TRAK1: variants seen among roughly 807,000 people sequenced by gnomAD.
TRAK1 encodes the protein trafficking kinesin protein 1.
TRAK1 carries 33 observed loss-of-function variants against 92.1 expected under a neutral mutation model. The ratio of observed to expected loss-of-function variants is 0.36; its 90% CI spans 0.27 to 0.48. The LOEUF (loss-of-function observed/expected upper bound fraction) is 0.48. Among genes scored for constraint, TRAK1 ranks in the 20% least tolerant of loss-of-function variants. The pLI is 0.99. For synonymous variants in TRAK1, 521 were observed against 517.3 expected (o/e 1.01, Z -0.10); for missense variants, 1,123 against 1,257.9 (o/e 0.89, Z 1.62).
At chr3:42,126,242 T>C (rs1245522729) in intron 2 of TRAK1, among the ~76,000 whole-genome samples, 1 of 152,180 alleles carries the variant, frequency 6.6e-6, no homozygotes, top group African/African-American at 2.4e-5. Flanking sequence ...TGGGAAGGTG[T>C]TTGTCTAAAT....
In TRAK1 at chr3:42,176,899, T is replaced by C. The variant is rs746695697; in HGVS notation, c.363+9T>C. 6.2e-7 allele frequency: 1 copy of C among 1,613,638 alleles called. No homozygotes were observed. The highest frequency in any genetic ancestry group is 8.5e-7 in the Non-Finnish European group (1 of 1,179,590). ...CTCGGCTTCTTGAGGAGGTAAGTGC[T>C]CCAGGGGAAGGCAAAAGAGTTGTTT... On this transcript the variant is annotated intron_variant, in intron 3 of 15. Coordinates refer to ENST00000327628, the MANE Select transcript of TRAK1 (RefSeq NM_001042646.3).
chr3:42,219,617 G>A (rs774532560), intron 15 of TRAK1, 21 bp downstream of exon 15: 3 of 1,598,578 alleles, frequency 1.9e-6, no homozygotes, highest in East Asian at 4.5e-5. Context: ...CTGGCTTTGG[G>A]GTGGGCAGGG....
chr3:42,206,967 C>T (rs1708402742), intron 13 of TRAK1, among the ~76,000 whole-genome samples: 1 of 152,182 alleles, frequency 6.6e-6, no homozygotes, highest in Non-Finnish European at 1.5e-5. Flanking sequence ...GGGCCCAGAC[C>T]TCCAGCCTCC....
chr3:42,223,169 G>C lies in TRAK1; in HGVS notation c.2294G>C (p.Gly765Ala). ...CAGAGCTGGGACAGGGCCGGCCGGG[G>C]CTCCCTCCTGCACTCCTACACGCCC... ...DPQSWDRAGR[G>A]SLLHSYTPKM... The change falls in exon 16 of 16, where the codon GGC (glycine) becomes GCC (alanine). Residue 765 changes from glycine (G) to alanine (A), a missense_variant. Gly to Ala is a moderately conservative substitution (Grantham distance 60, BLOSUM62 0). This residue lies in a region of TRAK1 where 401 missense variants were observed against 438.9 expected (regional missense o/e 0.91). Transcript: ENST00000327628. The surrounding 1 kb of genome is among the most constrained non-coding windows in gnomAD (Gnocchi z 6.1). The C allele has an allele frequency of 6.2e-7, 1 of 1,613,972 alleles. No individual in the cohort carries two copies.
intron 1 of TRAK1, among the ~76,000 whole-genome samples, chr3:42,059,181 A>C (rs918266165): frequency 2.0e-5 from 3 of 151,734 alleles, no homozygotes; most frequent in South Asian, 4.2e-4. Flanking sequence ...CGTAGCCTCA[A>C]CCTCCCAGGC....
chr3:42,216,295 C>T (rs938466892), intron 14 of TRAK1, among the ~76,000 whole-genome samples: 17 of 152,132 alleles, frequency 1.1e-4, no homozygotes, highest in African/African-American at 3.9e-4. Flanking sequence ...GAGTAGGGGC[C>T]GTGTCAGGGC....
At chr3:42,074,860 T>G (rs567012287) in intron 1 of TRAK1, among the ~76,000 whole-genome samples, 80 of 152,282 alleles carry the variant, frequency 5.3e-4, no homozygotes, top group Middle Eastern at 3.4e-3. Context: ...CGCTCCACCT[T>G]CAAGTAGGCC....
In TRAK1 at chr3:42,193,915, C is replaced by T. The variant is rs770334479; in HGVS notation, c.975+17C>T. 4 of 1,611,958 alleles carry T rather than the reference C, an allele frequency of 2.5e-6. No individual in the cohort carries two copies. Among genetic ancestry groups the T allele is most frequent in the East Asian group, 4.5e-5 (2 of 44,858 alleles). The stretch of plus-strand genomic sequence containing the variant: ...ACAGCCGAGGTGAGCACCTCTCCCT[C>T]ATTCCTTCAGTGCCTCTGATTGCAG... On this transcript the variant is annotated intron_variant, in intron 9 of 15. Coordinates refer to ENST00000327628, the MANE Select transcript of TRAK1 (RefSeq NM_001042646.3).
intron 2 of TRAK1, among the ~76,000 whole-genome samples, chr3:42,174,362 G>C (rs79122804): frequency 1.3e-5 from 2 of 152,188 alleles, no homozygotes; most frequent in African/African-American, 2.4e-5. Flanking sequence ...ACACAAATAA[G>C]TGCAAGTAAA....
chr3:42,152,276 T>A (rs1027906374), intron 2 of TRAK1, among the ~76,000 whole-genome samples: 3 of 151,948 alleles, frequency 2.0e-5, no homozygotes, highest in Admixed American at 6.6e-5. Flanking sequence ...ATGGGAGGGG[T>A]TGATTACCCA....
chr3:42,013,658 A>C (rs1408044564), upstream of TRAK1: 12 of 143,498 alleles, frequency 8.4e-5, no homozygotes, highest in Non-Finnish European at 3.1e-5. The surrounding 1 kb of genome is among the most constrained non-coding windows in gnomAD (Gnocchi z 5.1). Context: ...CGGGGGAGCC[A>C]TGGCGAGAGG....
intron 2 of TRAK1, among the ~76,000 whole-genome samples, chr3:42,154,518 A>G (rs1357382759): frequency 6.6e-6 from 1 of 151,900 alleles, no homozygotes; most frequent in Non-Finnish European, 1.5e-5. Context: ...TCTTCTTGTC[A>G]CCCAGGCGGG....
Position 42,176,908 on chromosome 3 carries a change from A to G in TRAK1, c.363+18A>G, listed in dbSNP as rs775667675. 2.1e-5 allele frequency: 34 copies of G among 1,610,544 alleles called. No homozygotes were observed. Among genetic ancestry groups the G allele is most frequent in the African/African-American group, 4.0e-5 (3 of 74,870 alleles). On this transcript the variant is annotated intron_variant, in intron 3 of 15. Transcript: ENST00000327628. Reference sequence around the variant, plus strand: ...TTGAGGAGGTAAGTGCTCCAGGGGAAGGCAAAAGAGTTGTTTATAATTGAC... The same window carrying G: ...TTGAGGAGGTAAGTGCTCCAGGGGAGGGCAAAAGAGTTGTTTATAATTGAC...
intron 1 of TRAK1, among the ~76,000 whole-genome samples, chr3:42,069,531 A>C (rs1373185918): frequency 1.3e-5 from 2 of 152,062 alleles, no homozygotes; most frequent in Non-Finnish European, 2.9e-5. Context: ...ATATTCTTTA[A>C]TTATATTTTT....
At chr3:42,060,625 CTTTTT>C (rs1299725245) in intron 1 of TRAK1, among the ~76,000 whole-genome samples, 2 of 123,296 alleles carry the variant, frequency 1.6e-5, no homozygotes, top group Non-Finnish European at 1.7e-5. Flanking sequence ...TTTTTGGCTG[CTTTTT>C]TTTTTTTTTT....
chr3:42,052,409 G>C (rs1172651479), intron 1 of TRAK1, among the ~76,000 whole-genome samples: 1 of 152,178 alleles, frequency 6.6e-6, no homozygotes, highest in African/African-American at 2.4e-5. Flanking sequence ...CTTGTAGACT[G>C]GTGCAAAAGT....
intron 1 of TRAK1, among the ~76,000 whole-genome samples, chr3:42,095,791 C>G (rs1254127332): frequency 1.3e-5 from 2 of 152,052 alleles, no homozygotes; most frequent in East Asian, 3.8e-4. Context: ...ATTTGTCTCC[C>G]CAAAATGAGT....
Position 42,225,596 on chromosome 3 carries a change from T to C in TRAK1, c.*1859T>C, listed in dbSNP as rs1020835167. 3 of 152,254 alleles carry C rather than the reference T, an allele frequency of 2.0e-5. No individual in the cohort carries two copies. Among genetic ancestry groups the C allele is most frequent in the Non-Finnish European group, 4.4e-5 (3 of 68,036 alleles). 9.4% of individuals were successfully genotyped at this position (152,254 alleles called of 1,614,324 possible). On this transcript the variant is annotated 3_prime_UTR_variant, in exon 16 of 16. Transcript: ENST00000327628. Reference sequence around the variant, plus strand: ...ATTCAGAGAGAGAAGCCACTCATCATTGCCAGAAATACCATGTAAAAATTG... The same window carrying C: ...ATTCAGAGAGAGAAGCCACTCATCACTGCCAGAAATACCATGTAAAAATTG...
At chr3:42,196,379 A>G (rs1174489552) in intron 10 of TRAK1, among the ~76,000 whole-genome samples, 1 of 152,134 alleles carries the variant, frequency 6.6e-6, no homozygotes, top group Non-Finnish European at 1.5e-5. Flanking sequence ...GGATCCACAG[A>G]CGAAATTTGG....
Sources: gnomAD v4.1 joint callset for allele counts (sites outside exome capture counted in the v4.1 genomes callset) on GRCh38, gnomAD v4.1.1 for gene constraint, gnomAD v4.1.1 regional missense constraint, Gnocchi (gnomAD v3.1) non-coding constraint, MANE v1.5 for transcripts, NCBI Gene and HGNC (gene_info 2026-07-23, HGNC 2026-07-21) for gene names.